Variants in RAP1GDS1 observed in about 807,000 individuals in gnomAD.
RAP1GDS1 encodes the protein RAP1, GTP-GDP dissociation stimulator 1.
Under a neutral mutation model 71.1 loss-of-function variants are expected in RAP1GDS1, and 35 were observed. The observed-to-expected ratio is 0.49, with a 90% CI of 0.38 to 0.65. RAP1GDS1 has a LOEUF of 0.65. Ranked by LOEUF, RAP1GDS1 falls within the 30% of genes least tolerant of loss-of-function variation. The pLI, the probability that RAP1GDS1 is intolerant of heterozygous loss-of-function variation, is 0.00. For synonymous variants in RAP1GDS1, 229 were observed against 243.1 expected (o/e 0.94, Z 0.54); for missense variants, 663 against 706.1 (o/e 0.94, Z 0.69).
intron 4 of RAP1GDS1, among the ~76,000 whole-genome samples, chr4:98,364,967 C>G (rs1739263224): frequency 6.6e-6 from 1 of 151,988 alleles, no homozygotes; most frequent in Non-Finnish European, 1.5e-5. Context: ...GCAGTGAACT[C>G]TGATCAGGCC....
chr4:98,304,128 G>C (rs1728972505), intron 2 of RAP1GDS1, among the ~76,000 whole-genome samples: 1 of 152,026 alleles, frequency 6.6e-6, no homozygotes, highest in African/African-American at 2.4e-5. Context: ...CCATGTCTTT[G>C]CTATTGTGAA....
At chr4:98,326,359 C>T (rs1469407236) in intron 2 of RAP1GDS1, among the ~76,000 whole-genome samples, 2 of 152,122 alleles carry the variant, frequency 1.3e-5, no homozygotes, top group Non-Finnish European at 2.9e-5. Context: ...TATCAAATTT[C>T]TACTTGGTCA....
At chr4:98,378,409 A>G (rs1306409020) in intron 4 of RAP1GDS1, among the ~76,000 whole-genome samples, 3 of 151,908 alleles carry the variant, frequency 2.0e-5, no homozygotes, top group Non-Finnish European at 4.4e-5. Context: ...AAACAAATCA[A>G]GAATGAAAAA....
intron 12 of RAP1GDS1, among the ~76,000 whole-genome samples, chr4:98,428,973 A>G (rs754696058): frequency 6.6e-5 from 10 of 152,162 alleles, no homozygotes; most frequent in Non-Finnish European, 1.2e-4. Flanking sequence ...TAAAGAAACT[A>G]TGGGGCCAGG....
intron 2 of RAP1GDS1, among the ~76,000 whole-genome samples, chr4:98,326,128 G>T (rs1578450572): frequency 6.6e-6 from 1 of 150,790 alleles, no homozygotes; most frequent in Non-Finnish European, 1.5e-5. Flanking sequence ...AAGTGCTTTG[G>T]TTTGATATTT....
chr4:98,427,148 G>A (rs1749732536), intron 12 of RAP1GDS1, among the ~76,000 whole-genome samples: 1 of 152,094 alleles, frequency 6.6e-6, no homozygotes, highest in African/African-American at 2.4e-5. Flanking sequence ...TGCAGAAAAA[G>A]CATTCCACAA....
At chr4:98,342,794 A>G (rs1735678890) in intron 2 of RAP1GDS1, among the ~76,000 whole-genome samples, 1 of 152,186 alleles carries the variant, frequency 6.6e-6, no homozygotes, top group East Asian at 1.9e-4. Flanking sequence ...AGAATTCAGA[A>G]GAGATGTAGA....
At chr4:98,434,631 T>A (rs1351375608) in intron 13 of RAP1GDS1, among the ~76,000 whole-genome samples, 1 of 151,988 alleles carries the variant, frequency 6.6e-6, no homozygotes, top group Non-Finnish European at 1.5e-5. Flanking sequence ...TTTTTTTTTT[T>A]TTTTTTGAAA....
At chr4:98,418,482 A>G (rs560401895) in intron 9 of RAP1GDS1, among the ~76,000 whole-genome samples, 175 bp from the exon 10 acceptor site, 2 of 152,274 alleles carry the variant, frequency 1.3e-5, no homozygotes, top group Admixed American at 6.5e-5. Flanking sequence ...ATTTTTTTTA[A>G]CACTTCTCAC....
At chr4:98,348,362 A>G (rs1357330165) in intron 3 of RAP1GDS1, among the ~76,000 whole-genome samples, 1 of 152,182 alleles carries the variant, frequency 6.6e-6, no homozygotes, top group Non-Finnish European at 1.5e-5. Context: ...AATCCAGTCT[A>G]TCATTGATGG....
chr4:98,268,122 G>C (rs896959130), intron 1 of RAP1GDS1, among the ~76,000 whole-genome samples: 1 of 152,124 alleles, frequency 6.6e-6, no homozygotes, highest in Admixed American at 6.5e-5. Flanking sequence ...CATACGTCAT[G>C]ATCAAGTGGG....
rs1748180860 is a variant in RAP1GDS1, at chr4:98,417,346, ATTCGT to A, written c.908-17_908-13del. On this transcript the variant is annotated splice_polypyrimidine_tract_variant and intron_variant, in intron 8 of 14. Transcript: ENST00000408927. ...CTAGTTATTTTTCTCTTGCTTAACT[ATTCGT>A]TTCATTTACCTCCAGATGAATCCAT... The A allele has an allele frequency of 6.2e-7, 1 of 1,600,550 alleles. No homozygotes were observed. The highest frequency in any genetic ancestry group is 1.3e-5 in the African/African-American group (1 of 74,460).
intron 2 of RAP1GDS1, among the ~76,000 whole-genome samples, chr4:98,306,787 T>C (rs1239312593): frequency 6.6e-6 from 1 of 152,144 alleles, no homozygotes; most frequent in Admixed American, 6.6e-5. Context: ...TCATGCTACT[T>C]TTTACTTCAG....
intron 5 of RAP1GDS1, among the ~76,000 whole-genome samples, chr4:98,390,903 AT>A (rs1197701736): frequency 6.6e-6 from 1 of 152,118 alleles, no homozygotes; most frequent in Non-Finnish European, 1.5e-5. Flanking sequence ...AGAGAAAAAA[AT>A]TTGTTTAGTC....
intron 2 of RAP1GDS1, 117 bp from the exon 3 acceptor site, chr4:98,343,022 C>A: frequency 1.8e-6 from 2 of 1,113,316 alleles, no homozygotes; most frequent in Non-Finnish European, 2.5e-6. Context: ...TGAATGTATA[C>A]CGAAACTAAT....
At chr4:98,419,792 T>A (rs1199339655) in intron 10 of RAP1GDS1, among the ~76,000 whole-genome samples, 3 of 152,212 alleles carry the variant, frequency 2.0e-5, no homozygotes, top group African/African-American at 7.2e-5. Context: ...GATACTGTCA[T>A]AAAAATTATT....
chr4:98,344,248 A>C (rs576153333), intron 3 of RAP1GDS1, among the ~76,000 whole-genome samples: 3 of 152,162 alleles, frequency 2.0e-5, no homozygotes, highest in African/African-American at 4.8e-5. Context: ...TATCACTCTT[A>C]TATGTCACAT....
rs1208579344 is a variant in RAP1GDS1 at position 98,325,156 on chromosome 4, A to C, written c.113-17983A>C. 3.3e-5 allele frequency among the ~76,000 whole-genome samples: 5 copies of C among 151,842 alleles called. No homozygotes were observed. In the East Asian group the frequency reaches 5.8e-4, roughly 18 times the overall value. On this transcript the variant is annotated intron_variant, in intron 2 of 14. Coordinates refer to ENST00000408927, the MANE Select transcript of RAP1GDS1 (RefSeq NM_001100427.2). ...CAAAAGAAGACATTTATGCAGCCAAAAAACACATGAAAAAATGCTCACCAT... is the reference window on the plus strand; with the variant it reads ...CAAAAGAAGACATTTATGCAGCCAACAAACACATGAAAAAATGCTCACCAT...
At chr4:98,421,207 T>C (rs1748803864) in intron 11 of RAP1GDS1, 48 bp from the exon 12 acceptor site, 2 of 1,508,216 alleles carry the variant, frequency 1.3e-6, no homozygotes, top group Non-Finnish European at 1.8e-6. Flanking sequence ...TTATTTCAAC[T>C]GATTGTCTGT....
Sources: allele counts gnomAD v4.1 joint callset (sites outside exome capture counted in the v4.1 genomes callset), GRCh38; gene constraint gnomAD v4.1.1; transcripts MANE v1.5; gene names NCBI Gene and HGNC (gene_info 2026-07-23, HGNC 2026-07-21).